The following TRPM3 variants were observed in gnomAD, a reference collection of about 807,000 sequenced individuals.
TRPM3 encodes long transient receptor potential channel 3.
A neutral mutation model predicts 181.2 loss-of-function variants in TRPM3; 77 were observed. The ratio of observed to expected loss-of-function variants is 0.42; its 90% confidence interval spans 0.35 to 0.51. TRPM3 has a LOEUF of 0.51. TRPM3 is among the 20% of genes least tolerant of loss of function. The probability of loss-of-function intolerance (pLI) is 0.01; values close to 1 mark genes in which losing one functional copy is unlikely to be tolerated. For missense variants in TRPM3, 1,759 were observed against 2,196.7 expected (o/e 0.80, Z 3.98); for synonymous variants, 745 against 796.4 (o/e 0.94, Z 1.09).
chr9:70,793,839 CA>C, intron 6 of TRPM3: 1 of 326,922 alleles, frequency 3.1e-6, no homozygotes, highest in South Asian at 2.5e-5. Context: ...CTTTCATTTT[CA>C]ATAAATTACA....
chr9:70,558,674 T>A (rs1016189271), intron 22 of TRPM3, among the ~76,000 whole-genome samples: 2 of 152,208 alleles, frequency 1.3e-5, no homozygotes, highest in Non-Finnish European at 2.9e-5. Context: ...TGGGAAACTT[T>A]GGCCAAGCAC....
chr9:71,020,472 G>A (rs562737203), intron 1 of TRPM3, among the ~76,000 whole-genome samples: 30 of 143,588 alleles, frequency 2.1e-4, no homozygotes, highest in East Asian at 1.0e-3. Context: ...GCAAGACCCC[G>A]TCTTGAAAAA....
At chr9:70,917,484 G>A in intron 1 of TRPM3, 1 of 736,192 alleles carries the variant, frequency 1.4e-6, no homozygotes, top group Non-Finnish European at 2.5e-6. Context: ...GCCACCACCA[G>A]CACCAGGGCC....
At chr9:71,147,379 A>C (rs1373848251) in intron 1 of TRPM3, among the ~76,000 whole-genome samples, 1 of 151,654 alleles carries the variant, frequency 6.6e-6, no homozygotes, top group African/African-American at 2.4e-5. Context: ...TTATTTACTG[A>C]GACACACTAC....
At chr9:71,389,842 G>A (rs144584783) in intron 1 of TRPM3, among the ~76,000 whole-genome samples, 1 of 152,076 alleles carries the variant, frequency 6.6e-6, no homozygotes, top group Non-Finnish European at 1.5e-5. Context: ...GGGAAGAGTA[G>A]GAATGGGGCA....
chr9:71,223,120 C>T (rs149528713), intron 1 of TRPM3, among the ~76,000 whole-genome samples: 163 of 152,264 alleles, frequency 1.1e-3, no homozygotes, highest in African/African-American at 3.8e-3. Context: ...ACTCCTCCCC[C>T]CAAACCCAGG....
chr9:71,122,977 G>T (rs1358657880), upstream of TRPM3, among the ~76,000 whole-genome samples: 1 of 152,172 alleles, frequency 6.6e-6, no homozygotes, highest in Non-Finnish European at 1.5e-5. Flanking sequence ...CTAGCACAAT[G>T]CATTGCATAG....
chr9:71,138,969 G>C (rs563975524), intron 1 of TRPM3, among the ~76,000 whole-genome samples: 110 of 152,244 alleles, frequency 7.2e-4, no homozygotes, highest in African/African-American at 2.6e-3. Context: ...AATGCCTCAT[G>C]ATTAGTATAT....
chr9:70,932,347 C>A (rs926269959), intron 1 of TRPM3, among the ~76,000 whole-genome samples: 2 of 152,072 alleles, frequency 1.3e-5, no homozygotes, highest in African/African-American at 4.8e-5. Context: ...TGCCTGTCTG[C>A]CTTCCTTGAG....
chr9:70,874,733 TTTTG>T (rs887258008), intron 1 of TRPM3, among the ~76,000 whole-genome samples: 39 of 151,912 alleles, frequency 2.6e-4, no homozygotes, highest in Non-Finnish European at 2.8e-4. Flanking sequence ...ACCAGCTGAA[TTTTG>T]TTTATCTCTT....
rs114798749 is a variant in TRPM3, at chr9:70,922,580, A to G, written c.178-58069T>C. 3.2e-3 allele frequency among the ~76,000 whole-genome samples: 482 copies of G among 152,272 alleles called. 6 individuals are homozygous for G. The highest frequency in any genetic ancestry group is 0.011 in the African/African-American group (446 of 41,564). On this transcript the variant is annotated intron_variant, in intron 1 of 25. Transcript: ENST00000677713. ...TTCTGCAGATATCCTTTCTGCCACT[A>G]TTTGAAGATACAGAATACTTTTCTT...
intron 1 of TRPM3, among the ~76,000 whole-genome samples, chr9:71,350,731 T>C (rs975132370): frequency 2.6e-5 from 4 of 152,220 alleles, no homozygotes; most frequent in African/African-American, 4.8e-5. Flanking sequence ...TTCCATCATA[T>C]GAAATTGCCA....
chr9:71,247,946 AG>A (rs1165013456), intron 1 of TRPM3, among the ~76,000 whole-genome samples: 1 of 152,222 alleles, frequency 6.6e-6, no homozygotes, highest in African/African-American at 2.4e-5. Flanking sequence ...GAAATATTTG[AG>A]GAGACAAAAA....
At chr9:71,072,908 C>G (rs1478502998) in intron 1 of TRPM3, among the ~76,000 whole-genome samples, 1 of 152,120 alleles carries the variant, frequency 6.6e-6, no homozygotes, top group Admixed American at 6.5e-5. Flanking sequence ...AGCAGCTGAC[C>G]AGTCATTACC....
At chr9:71,327,035 G>A (rs187965292) in intron 1 of TRPM3, among the ~76,000 whole-genome samples, 8 of 152,204 alleles carry the variant, frequency 5.3e-5, no homozygotes, top group Non-Finnish European at 1.0e-4. Flanking sequence ...TTTGTGCAGA[G>A]CCTCTACTCT....
chr9:70,923,947 T>C (rs143734050), intron 1 of TRPM3, among the ~76,000 whole-genome samples: 42 of 149,426 alleles, frequency 2.8e-4, no homozygotes, highest in Middle Eastern at 3.5e-3. Flanking sequence ...CATATATATA[T>C]ACACACACAC....
chr9:70,621,232 A>T lies in TRPM3; in HGVS notation c.1839+12T>A, dbSNP rs528038171. Reference sequence around the variant, plus strand: ...TAAATCATTGACACTAATAATTTGGACAAACACTTACCTCCATTCCCAGCA... The same window carrying T: ...TAAATCATTGACACTAATAATTTGGTCAAACACTTACCTCCATTCCCAGCA... On this transcript the variant is annotated intron_variant, in intron 15 of 25. Coordinates refer to ENST00000677713, the MANE Select transcript of TRPM3 (RefSeq NM_001366145.2). 1 of 1,589,474 alleles carries T rather than the reference A, an allele frequency of 6.3e-7. No individual in the cohort carries two copies. The highest frequency in any genetic ancestry group is 1.7e-5 in the Admixed American group (1 of 57,338).
chr9:71,382,632 T>C (rs772454355), intron 1 of TRPM3, among the ~76,000 whole-genome samples: 3 of 151,956 alleles, frequency 2.0e-5, no homozygotes, highest in Admixed American at 1.3e-4. Context: ...GCATTCTTGA[T>C]TGGAATTTTT....
At chr9:71,307,939 C>G (rs922936579) in intron 1 of TRPM3, among the ~76,000 whole-genome samples, 5 of 150,940 alleles carry the variant, frequency 3.3e-5, no homozygotes, top group Admixed American at 6.6e-5. Flanking sequence ...ATTACTGGAG[C>G]CTTTTATTAG....
Sources: gnomAD v4.1 joint callset for allele counts (sites outside exome capture counted in the v4.1 genomes callset) on GRCh38, gnomAD v4.1.1 for gene constraint, MANE v1.5 for transcripts, NCBI Gene and HGNC (gene_info 2026-07-23, HGNC 2026-07-21) for gene names.